TTC29: variants seen among roughly 807,000 people sequenced by gnomAD.
TTC29 encodes the protein tetratricopeptide repeat domain 29.
TTC29 carries 49 observed loss-of-function variants against 58.1 expected under a neutral mutation model. That is an observed-to-expected ratio of 0.84 (90% CI 0.67 to 1.07). The LOEUF is 1.07. TTC29 is among the 50% of genes least tolerant of loss of function. The pLI, the probability that TTC29 is intolerant of heterozygous loss-of-function variation, is 0.00. For synonymous variants in TTC29, 209 were observed against 196.8 expected (o/e 1.06, Z -0.52); for missense variants, 582 against 555.6 (o/e 1.05, Z -0.48).
chr4:146,784,170 A>C (rs1748831285), intron 11 of TTC29, among the ~76,000 whole-genome samples: 2 of 151,882 alleles, frequency 1.3e-5, no homozygotes, highest in Admixed American at 6.6e-5. Context: ...TACTACACTT[A>C]CTGTATAAAA....
intron 11 of TTC29, among the ~76,000 whole-genome samples, chr4:146,782,021 GA>G (rs75599808): frequency 5.9e-4 from 88 of 148,826 alleles, no homozygotes; most frequent in South Asian, 1.5e-3. Flanking sequence ...GCAAATAAAT[GA>G]AAAAAAAAGA....
intron 9 of TTC29, among the ~76,000 whole-genome samples, chr4:146,825,880 C>T (rs769516101): frequency 1.3e-5 from 2 of 151,444 alleles, no homozygotes; most frequent in Non-Finnish European, 2.9e-5. Context: ...CTTTTTGGAT[C>T]GTTGTTGGTT....
intron 11 of TTC29, among the ~76,000 whole-genome samples, chr4:146,792,419 G>A (rs551738704): frequency 5.8e-4 from 88 of 152,204 alleles, no homozygotes; most frequent in Non-Finnish European, 1.0e-3. Context: ...AATATGTTAA[G>A]CCCACCATTG....
chr4:146,886,663 G>A (rs1732003486), intron 6 of TTC29, among the ~76,000 whole-genome samples: 1 of 152,060 alleles, frequency 6.6e-6, no homozygotes. Context: ...TTTTTCCTGG[G>A]TGAGTCCTAT....
At chr4:146,937,819 G>A (rs1020034830) in intron 3 of TTC29, 142 bp from the exon 4 acceptor site, 7 of 467,638 alleles carry the variant, frequency 1.5e-5, no homozygotes, top group African/African-American at 4.1e-5. Context: ...GAGTTAGGTC[G>A]TTGGTTGATC....
chr4:146,819,499 AAT>A (rs1201176491), intron 10 of TTC29, among the ~76,000 whole-genome samples: 3 of 152,244 alleles, frequency 2.0e-5, no homozygotes, highest in Non-Finnish European at 4.4e-5. Flanking sequence ...GAGAATCGGT[AAT>A]AAAAAGATAA....
intron 9 of TTC29, among the ~76,000 whole-genome samples, chr4:146,823,760 T>A (rs1751996551): frequency 1.3e-5 from 2 of 151,982 alleles, no homozygotes; most frequent in Admixed American, 1.3e-4. Context: ...ATTTGTTTGT[T>A]TTCTCTCTTA....
intron 12 of TTC29, 64 bp from the exon 13 acceptor site, chr4:146,707,252 T>C (rs1742023643): frequency 8.6e-7 from 1 of 1,159,674 alleles, no homozygotes; most frequent in African/African-American, 1.6e-5. Flanking sequence ...AACATTTGTT[T>C]TGAAAAATAA....
intron 4 of TTC29, among the ~76,000 whole-genome samples, chr4:146,934,547 T>C (rs1486730821): frequency 1.3e-5 from 2 of 152,050 alleles, no homozygotes; most frequent in Non-Finnish European, 2.9e-5. Context: ...AGTGCTGGAT[T>C]TATAAATTGA....
intron 4 of TTC29, among the ~76,000 whole-genome samples, chr4:146,928,349 A>G (rs1735077925): frequency 6.6e-6 from 1 of 152,188 alleles, no homozygotes; most frequent in South Asian, 2.1e-4. Flanking sequence ...ACTAATAAAT[A>G]CTTTTTGTGA....
chr4:146,840,998 T>A (rs1231830494), intron 8 of TTC29, among the ~76,000 whole-genome samples: 1 of 152,190 alleles, frequency 6.6e-6, no homozygotes, highest in East Asian at 1.9e-4. Context: ...CAGTTTCAAC[T>A]GATAAATTAA....
chr4:146,843,327 A>G (rs538748246), intron 8 of TTC29, among the ~76,000 whole-genome samples: 115 of 152,298 alleles, frequency 7.6e-4, no homozygotes, highest in African/African-American at 2.6e-3. Flanking sequence ...ATAATACACA[A>G]AAGTGGTTAC....
intron 11 of TTC29, among the ~76,000 whole-genome samples, chr4:146,754,109 G>A (rs906876767): frequency 6.6e-6 from 1 of 150,988 alleles, no homozygotes; most frequent in African/African-American, 2.4e-5. Context: ...AAATCTGTTT[G>A]TTAAATAAAC....
At chr4:146,889,556 A>C (rs1430704934) in intron 6 of TTC29, among the ~76,000 whole-genome samples, 2 of 152,096 alleles carry the variant, frequency 1.3e-5, no homozygotes, top group African/African-American at 2.4e-5. Flanking sequence ...CATCTCTATT[A>C]ATTTTTAATA....
At chr4:146,748,689 C>G (rs1055939893) in intron 11 of TTC29, among the ~76,000 whole-genome samples, 1 of 152,202 alleles carries the variant, frequency 6.6e-6, no homozygotes, top group African/African-American at 2.4e-5. Flanking sequence ...CCACATGGAA[C>G]AAGAGTCATC....
intron 11 of TTC29, among the ~76,000 whole-genome samples, chr4:146,739,205 G>A (rs1744937988): frequency 6.6e-6 from 1 of 152,116 alleles, no homozygotes; most frequent in Non-Finnish European, 1.5e-5. Flanking sequence ...TTGCAAAAAG[G>A]TGGACGTGTT....
intron 11 of TTC29, among the ~76,000 whole-genome samples, chr4:146,725,316 C>T (rs78509195): frequency 0.046 from 7,026 of 152,034 alleles, 504 homozygotes; most frequent in African/African-American, 0.14. Flanking sequence ...GGAGGATTGC[C>T]TGGGCTCAAG....
intron 10 of TTC29, among the ~76,000 whole-genome samples, chr4:146,814,138 T>C (rs1431815227): frequency 1.3e-5 from 2 of 152,244 alleles, no homozygotes; most frequent in Non-Finnish European, 2.9e-5. Context: ...CCAGGTTTTT[T>C]TCTAGACACT....
intron 11 of TTC29, among the ~76,000 whole-genome samples, chr4:146,718,541 C>T (rs945809385): frequency 1.2e-4 from 18 of 152,116 alleles, no homozygotes; most frequent in African/African-American, 4.1e-4. Flanking sequence ...GGTCCCTAGC[C>T]TATTTTAAAA....
Sources: gnomAD v4.1 joint callset for allele counts (sites outside exome capture counted in the v4.1 genomes callset) on GRCh38, gnomAD v4.1.1 for gene constraint, MANE v1.5 for transcripts, NCBI Gene and HGNC (gene_info 2026-07-23, HGNC 2026-07-21) for gene names.